HABP2: variants seen among roughly 807,000 people sequenced by gnomAD.
The protein encoded by HABP2 is factor VII-activating protease.
In HABP2, 65 loss-of-function variants were observed where a neutral mutation model predicts 66.5. The ratio of observed to expected loss-of-function variants is 0.98; its 90% CI spans 0.80 to 1.20. The LOEUF (loss-of-function observed/expected upper bound fraction) is 1.20. HABP2 is among the 50% of genes most tolerant of loss of function. The pLI, the probability that HABP2 is intolerant of heterozygous loss-of-function variation, is 0.00. For synonymous variants in HABP2, 263 were observed against 253.9 expected, an observed-to-expected ratio of 1.04 and a Z score of -0.34; for missense variants, 786 against 691.0, an observed-to-expected ratio of 1.14 and a Z score of -1.54.
intron 6 of HABP2, 70 bp downstream of exon 6, chr10:113,578,215 G>T: frequency 6.5e-7 from 1 of 1,533,450 alleles, no homozygotes; most frequent in Non-Finnish European, 9.0e-7. Context: ...GGGTTTTGTT[G>T]CCAGAATGTG....
intron 7 of HABP2, among the ~76,000 whole-genome samples, chr10:113,579,192 G>A (rs1592697093): frequency 6.6e-6 from 1 of 151,684 alleles, no homozygotes; most frequent in South Asian, 2.1e-4. Context: ...CCAGGAGGTC[G>A]AGGCTGTAGT....
intron 11 of HABP2, among the ~76,000 whole-genome samples, chr10:113,584,585 A>C (rs533897235): frequency 1.9e-4 from 29 of 152,214 alleles, no homozygotes; most frequent in Admixed American, 6.5e-4. Flanking sequence ...TGGAAAGAGG[A>C]AAGATCATGG....
At chr10:113,573,967 C>G (rs1212497935) in intron 2 of HABP2, among the ~76,000 whole-genome samples, 1 of 152,164 alleles carries the variant, frequency 6.6e-6, no homozygotes, top group Admixed American at 6.5e-5. Context: ...ATGAGAAAAT[C>G]AAGACTTGAT....
At chr10:113,558,576 G>C (rs948939521) in intron 1 of HABP2, among the ~76,000 whole-genome samples, 2 of 152,232 alleles carry the variant, frequency 1.3e-5, no homozygotes, top group African/African-American at 2.4e-5. Flanking sequence ...TTCTCACGCT[G>C]TGTTTTCTGT....
chr10:113,574,159 G>T (rs765122251), intron 2 of HABP2, 130 bp from the exon 3 acceptor site: 2 of 629,926 alleles, frequency 3.2e-6, no homozygotes, highest in East Asian at 2.8e-5. Flanking sequence ...ACTGTGCAGA[G>T]CTGGAGAGAC....
chr10:113,582,821 C>A (rs1461543980), intron 9 of HABP2, among the ~76,000 whole-genome samples: 2 of 152,174 alleles, frequency 1.3e-5, no homozygotes, highest in Non-Finnish European at 2.9e-5. Flanking sequence ...TGGAGGTGGC[C>A]ATGAAGGTCT....
intron 2 of HABP2, among the ~76,000 whole-genome samples, chr10:113,569,390 C>T (rs1845260714): frequency 6.6e-6 from 1 of 152,202 alleles, no homozygotes; most frequent in Non-Finnish European, 1.5e-5. Flanking sequence ...CATCCCTGTT[C>T]AGTGTCCGAC....
chr10:113,588,510 C>A lies in HABP2; in HGVS notation c.*141C>A. On this transcript the variant is annotated 3_prime_UTR_variant, in exon 13 of 13. Coordinates refer to ENST00000351270, the MANE Select transcript of HABP2 (RefSeq NM_004132.5). ...CTACTCTAAGCAGAGACAACTGCCA[C>A]CCAGCCTGGGCCTTCCCAGACCAGC... is the stretch of plus-strand genomic sequence containing the variant. 1 of 615,326 alleles carries A rather than the reference C, an allele frequency of 1.6e-6. No homozygotes were observed. The highest frequency in any genetic ancestry group is 2.8e-6 in the Non-Finnish European group (1 of 363,272). The allele number at this position is 615,326 out of a possible 1,614,324, so 38.1% of individuals were successfully genotyped here. A position where few individuals can be genotyped will look rare whatever the true frequency, so the allele number is the denominator to read the frequency against.
At chr10:113,579,719 G>A (rs899011511) in intron 7 of HABP2, among the ~76,000 whole-genome samples, 2 of 151,798 alleles carry the variant, frequency 1.3e-5, no homozygotes, top group African/African-American at 4.8e-5. Flanking sequence ...GGGGGTCTTT[G>A]TATGGCTTTG....
At chr10:113,551,589 T>G (rs540130268), upstream of HABP2, among the ~76,000 whole-genome samples, 1 of 152,122 alleles carries the variant, frequency 6.6e-6, no homozygotes, top group Non-Finnish European at 1.5e-5. Flanking sequence ...GTGGATCACC[T>G]GAGGTCAGGA....
At chr10:113,572,841 G>A in intron 2 of HABP2, 1 of 248,346 alleles carries the variant, frequency 4.0e-6, no homozygotes, top group Non-Finnish European at 8.3e-6. Context: ...GTGAAACTTT[G>A]GCAAGAAACC....
chr10:113,567,185 C>T (rs185154455), intron 1 of HABP2, among the ~76,000 whole-genome samples: 7 of 152,272 alleles, frequency 4.6e-5, no homozygotes, highest in Non-Finnish European at 8.8e-5. Context: ...CTGCACCTGA[C>T]GAGCACACCA....
chr10:113,556,206 A>C (rs1844987783), intron 1 of HABP2, among the ~76,000 whole-genome samples: 1 of 152,254 alleles, frequency 6.6e-6, no homozygotes, highest in Non-Finnish European at 1.5e-5. Flanking sequence ...CACTCTGCTC[A>C]CAGCTCAAGT....
At chr10:113,559,903 G>A (rs1459473384) in intron 1 of HABP2, among the ~76,000 whole-genome samples, 1 of 152,220 alleles carries the variant, frequency 6.6e-6, no homozygotes, top group African/African-American at 2.4e-5. Context: ...ATAGGTGATC[G>A]GCGTCAGAGC....
intron 2 of HABP2, among the ~76,000 whole-genome samples, chr10:113,572,149 C>T (rs768339036): frequency 3.2e-4 from 48 of 152,330 alleles, no homozygotes; most frequent in Non-Finnish European, 6.5e-4. Context: ...TGACTGAGGC[C>T]CATGGGCCCT....
intron 1 of HABP2, among the ~76,000 whole-genome samples, chr10:113,553,796 G>A (rs558701071): frequency 6.6e-6 from 1 of 152,188 alleles, no homozygotes; most frequent in Non-Finnish European, 1.5e-5. Context: ...CAGTGCGCAG[G>A]GAAGGGAAGT....
At chr10:113,573,210 C>G (rs919048979) in intron 2 of HABP2, among the ~76,000 whole-genome samples, 2 of 152,218 alleles carry the variant, frequency 1.3e-5, no homozygotes, top group East Asian at 3.9e-4. Flanking sequence ...TCCCAAACTT[C>G]CACAGACCTA....
chr10:113,563,133 G>A (rs1027343080), intron 1 of HABP2, among the ~76,000 whole-genome samples: 4 of 152,202 alleles, frequency 2.6e-5, no homozygotes, highest in Non-Finnish European at 5.9e-5. Flanking sequence ...CAGCTCTAAA[G>A]GAATGTGAAC....
chr10:113,562,717 T>C (rs535557906), intron 1 of HABP2, among the ~76,000 whole-genome samples: 84 of 152,348 alleles, frequency 5.5e-4, no homozygotes, highest in African/African-American at 2.0e-3. Flanking sequence ...AGTGTTGGGA[T>C]TACAGGCGTA....
Sources: allele counts gnomAD v4.1 joint callset (sites outside exome capture counted in the v4.1 genomes callset), GRCh38; gene constraint gnomAD v4.1.1; transcripts MANE v1.5; gene names NCBI Gene and HGNC (gene_info 2026-07-23, HGNC 2026-07-21).